Variants in SCMH1 observed in about 807,000 individuals in gnomAD.
SCMH1 encodes the protein Scm polycomb group protein homolog 1.
A neutral mutation model predicts 70.8 loss-of-function variants in SCMH1; 37 were observed. The observed-to-expected ratio is 0.52, with a 90% confidence interval of 0.40 to 0.69. The LOEUF is 0.69. Ranked by LOEUF, SCMH1 falls within the 30% of genes least tolerant of loss-of-function variation. The pLI, the probability that SCMH1 is intolerant of heterozygous loss-of-function variation, is 0.00. For missense variants in SCMH1, 607 were observed against 827.3 expected, an observed-to-expected ratio of 0.73 and a Z score of 3.27; for synonymous variants, 292 against 307.4, an observed-to-expected ratio of 0.95 and a Z score of 0.52.
chr1:41,032,978 C>CAAA (rs1327396809), intron 13 of SCMH1, among the ~76,000 whole-genome samples: 15 of 69,032 alleles, frequency 2.2e-4, no homozygotes, highest in Admixed American at 8.0e-4. Flanking sequence ...GACTCTGTCT[C>CAAA]AAAAAAAAAA....
rs187527640 is a variant in SCMH1, at chr1:41,112,813, A to G, written c.745+470T>C. Among the ~76,000 whole-genome samples the G allele has an allele frequency of 4.6e-5, 7 of 152,330 alleles. No individual in the cohort carries two copies. The East Asian group carries it at 1.2e-3, about 25-fold the overall frequency. On this transcript the variant is annotated intron_variant, in intron 8 of 14. Coordinates refer to ENST00000337495, the Ensembl canonical transcript of SCMH1. Reference sequence around the variant, plus strand: ...AAAGCTACACAGCTGATAAAAGGCAAAGATGGACCTCAAACCCATGTCTAT... The same window carrying G: ...AAAGCTACACAGCTGATAAAAGGCAGAGATGGACCTCAAACCCATGTCTAT...
At chr1:41,088,638 A>G (rs1260936270) in intron 8 of SCMH1, among the ~76,000 whole-genome samples, 2 of 152,148 alleles carry the variant, frequency 1.3e-5, no homozygotes, top group Non-Finnish European at 2.9e-5. Flanking sequence ...TGCCTGGCTA[A>G]TTCACAACTG....
rs9438952 is a variant in SCMH1, at chr1:41,087,265, T to C, written c.746-11814A>G. 9.1e-4 allele frequency among the ~76,000 whole-genome samples: 138 copies of C among 151,924 alleles called. 1 individual carries two copies. Among genetic ancestry groups the C allele is most frequent in the African/African-American group, 3.2e-3 (133 of 41,462 alleles). Reference sequence around the variant, plus strand: ...ATGTAACAATAAAAAAGAAAAACAATATATAAGTACTAGAGGAAAATATAG... The same window carrying C: ...ATGTAACAATAAAAAAGAAAAACAACATATAAGTACTAGAGGAAAATATAG... On this transcript the variant is annotated intron_variant, in intron 8 of 14. Coordinates refer to ENST00000337495, the Ensembl canonical transcript of SCMH1.
intron 1 of SCMH1, among the ~76,000 whole-genome samples, chr1:41,235,279 T>G (rs1662131607): frequency 6.6e-6 from 1 of 152,098 alleles, no homozygotes; most frequent in Non-Finnish European, 1.5e-5. Flanking sequence ...CCTCCCTGTA[T>G]TATGCTCATA....
At chr1:41,185,305 C>T (rs1317718432) in intron 2 of SCMH1, among the ~76,000 whole-genome samples, 1 of 152,162 alleles carries the variant, frequency 6.6e-6, no homozygotes, top group Non-Finnish European at 1.5e-5. Context: ...AGTGTTATAA[C>T]CTCCCTAGTA....
chr1:41,177,442 G>A (rs1217517451), intron 2 of SCMH1, among the ~76,000 whole-genome samples: 3 of 152,114 alleles, frequency 2.0e-5, no homozygotes, highest in Non-Finnish European at 2.9e-5. Flanking sequence ...AAACGACTCC[G>A]AGCTAAAGGA....
chr1:41,226,447 A>ATG (rs1660285910), intron 1 of SCMH1, among the ~76,000 whole-genome samples: 1 of 152,192 alleles, frequency 6.6e-6, no homozygotes, highest in African/African-American at 2.4e-5. Context: ...CATAAGGATT[A>ATG]CTTTTGTAAA....
At chr1:41,066,158 T>C (rs1571716411) in intron 10 of SCMH1, among the ~76,000 whole-genome samples, 1 of 152,180 alleles carries the variant, frequency 6.6e-6, no homozygotes, top group African/African-American at 2.4e-5. Flanking sequence ...TTGAAAATGG[T>C]GCGTCAACTG....
chr1:41,196,002 A>G (rs944358495), intron 1 of SCMH1, among the ~76,000 whole-genome samples: 15 of 151,666 alleles, frequency 9.9e-5, no homozygotes, highest in Admixed American at 6.6e-5. Flanking sequence ...AATAAATTTA[A>G]CTAACACGGC....
At chr1:41,135,766 C>T (rs1643206392) in intron 6 of SCMH1, among the ~76,000 whole-genome samples, 1 of 152,068 alleles carries the variant, frequency 6.6e-6, no homozygotes, top group Admixed American at 6.6e-5. Flanking sequence ...GAGGATCATG[C>T]TGAATAGAAC....
chr1:41,075,490 C>T (rs368537979), intron 8 of SCMH1, 39 bp from the exon 9 acceptor site: 17 of 1,539,762 alleles, frequency 1.1e-5, no homozygotes, highest in South Asian at 3.4e-5. Context: ...CTCCCTCCCC[C>T]CTGCATTCTC....
intron 10 of SCMH1, among the ~76,000 whole-genome samples, chr1:41,062,466 G>A (rs1413257437): frequency 6.6e-6 from 1 of 151,894 alleles, no homozygotes; most frequent in African/African-American, 2.4e-5. Context: ...ATTAGGCTGG[G>A]TGCCTTGGCT....
intron 1 of SCMH1, among the ~76,000 whole-genome samples, chr1:41,233,021 A>G (rs191373739): frequency 1.3e-5 from 2 of 152,334 alleles, no homozygotes; most frequent in East Asian, 3.9e-4. Flanking sequence ...GACCCTCGAC[A>G]AACAAGTCCC....
intron 1 of SCMH1, among the ~76,000 whole-genome samples, chr1:41,204,000 C>T (rs888062168): frequency 7.9e-5 from 12 of 152,118 alleles, no homozygotes; most frequent in Admixed American, 3.3e-4. Context: ...AGGGTCTCCC[C>T]GACCGAGCTG....
intron 6 of SCMH1, among the ~76,000 whole-genome samples, chr1:41,129,584 G>C (rs547425886): frequency 1.0e-3 from 154 of 152,088 alleles, no homozygotes; most frequent in African/African-American, 3.6e-3. Flanking sequence ...CTCTTCCCCA[G>C]CCCCGCTCTC....
chr1:41,233,513 A>C (rs2148914495), intron 1 of SCMH1, among the ~76,000 whole-genome samples: 1 of 152,312 alleles, frequency 6.6e-6, no homozygotes, highest in East Asian at 1.9e-4. Context: ...TTAAATATGG[A>C]GATGATCTAT....
intron 2 of SCMH1, among the ~76,000 whole-genome samples, chr1:41,183,788 C>A (rs1649444142): frequency 6.6e-6 from 1 of 152,156 alleles, no homozygotes; most frequent in Non-Finnish European, 1.5e-5. Context: ...CTAGAAGTCA[C>A]ATGGTAAGAT....
intron 8 of SCMH1, among the ~76,000 whole-genome samples, chr1:41,088,196 A>T (rs779449279): frequency 4.6e-5 from 7 of 152,166 alleles, no homozygotes; most frequent in African/African-American, 1.7e-4. Context: ...GTAGGAAAAC[A>T]CACATAAATT....
exon 12 of SCMH1, chr1:41,046,540 G>A (rs757043293): frequency 2.2e-5 from 36 of 1,614,068 alleles, no homozygotes; most frequent in South Asian, 2.2e-5. Context: ...AGCGGAGGAC[G>A]TAGGTGATGC....
Sources: allele counts gnomAD v4.1 joint callset (sites outside exome capture counted in the v4.1 genomes callset), GRCh38; gene constraint gnomAD v4.1.1; transcripts MANE v1.5; gene names NCBI Gene and HGNC (gene_info 2026-07-23, HGNC 2026-07-21).